The following TNIK variants were observed in gnomAD, a reference collection of about 807,000 sequenced individuals.
TNIK encodes the protein TRAF2 and NCK interacting kinase.
A neutral mutation model predicts 191.3 loss-of-function variants in TNIK; 49 were observed. That is an observed-to-expected ratio of 0.26 (90% CI 0.20 to 0.32). The LOEUF is 0.32. Ranked by LOEUF, TNIK falls within the 10% of genes least tolerant of loss-of-function variation. The pLI is 1.00. For missense variants in TNIK, 1,155 were observed against 1,702.3 expected (o/e 0.68, Z 5.66); for synonymous variants, 594 against 600.9 (o/e 0.99, Z 0.17).
intron 3 of TNIK, among the ~76,000 whole-genome samples, chr3:171,211,585 A>G (rs929426330): frequency 2.6e-5 from 4 of 152,196 alleles, no homozygotes; most frequent in South Asian, 2.1e-4. Flanking sequence ...TCAAGTAGCT[A>G]TTACTGATTC....
At chr3:171,123,858 C>A (rs1337304734) in intron 17 of TNIK, among the ~76,000 whole-genome samples, 156 bp from the exon 18 acceptor site, 1 of 152,150 alleles carries the variant, frequency 6.6e-6, no homozygotes, top group Admixed American at 6.5e-5. Context: ...AAATATTAAA[C>A]TCCCTAAACA....
At chr3:171,100,320 T>G (rs570270476) in intron 22 of TNIK, among the ~76,000 whole-genome samples, 109 of 152,316 alleles carry the variant, frequency 7.2e-4, no homozygotes, top group Middle Eastern at 3.4e-3. Context: ...TGTCAGCAAC[T>G]GGGTCATCAA....
chr3:171,282,966 A>G (rs1198368672), intron 2 of TNIK, among the ~76,000 whole-genome samples: 1 of 152,028 alleles, frequency 6.6e-6, no homozygotes, highest in Non-Finnish European at 1.5e-5. Flanking sequence ...GGCCCGCCTT[A>G]TATTCTCTGC....
intron 1 of TNIK, among the ~76,000 whole-genome samples, chr3:171,415,842 G>A (rs1008134359): frequency 3.3e-5 from 5 of 151,376 alleles, no homozygotes; most frequent in Admixed American, 6.6e-5. Context: ...TTAGCCAGGC[G>A]TGGTGGCTCA....
intron 7 of TNIK, among the ~76,000 whole-genome samples, chr3:171,177,630 T>A (rs2108788655): frequency 6.6e-6 from 1 of 152,364 alleles, no homozygotes; most frequent in South Asian, 2.1e-4. Context: ...AATTAATTCG[T>A]TACTGAAACT....
chr3:171,408,792 C>T (rs867635741), intron 1 of TNIK, among the ~76,000 whole-genome samples: 15 of 152,122 alleles, frequency 9.9e-5, no homozygotes, highest in Admixed American at 7.2e-4. Flanking sequence ...GCAAGCTAAG[C>T]GTCTCTAAAT....
intron 2 of TNIK, among the ~76,000 whole-genome samples, chr3:171,368,316 G>A (rs781317313): frequency 3.4e-4 from 51 of 152,174 alleles, no homozygotes; most frequent in Admixed American, 9.8e-4. Flanking sequence ...CAAATCAGAA[G>A]TAATTTTGTA....
At chr3:171,213,660 G>C (rs1166659697) in intron 3 of TNIK, among the ~76,000 whole-genome samples, 2 of 152,240 alleles carry the variant, frequency 1.3e-5, no homozygotes, top group East Asian at 3.9e-4. Context: ...AATAAAGTCA[G>C]TACATTCTCC....
At chr3:171,344,427 G>A (rs1711824391) in intron 2 of TNIK, among the ~76,000 whole-genome samples, 2 of 152,098 alleles carry the variant, frequency 1.3e-5, no homozygotes, top group African/African-American at 4.8e-5. Context: ...AGTAGCAGTG[G>A]GGTGTGTGTG....
chr3:171,263,727 T>C (rs1401574927), intron 2 of TNIK, among the ~76,000 whole-genome samples: 1 of 151,818 alleles, frequency 6.6e-6, no homozygotes, highest in Non-Finnish European at 1.5e-5. Flanking sequence ...GAGCCATTAT[T>C]AGAAGAAAGC....
At chr3:171,214,192 T>C (rs1741191802) in intron 3 of TNIK, among the ~76,000 whole-genome samples, 1 of 151,630 alleles carries the variant, frequency 6.6e-6, no homozygotes, top group African/African-American at 2.4e-5. Flanking sequence ...GGCAGTAAGT[T>C]ATTCAGTGAA....
Position 171,440,847 on chromosome 3 carries a change from G to A in TNIK, c.57+19160C>T, listed in dbSNP as rs945454286. Among the ~76,000 whole-genome samples the A allele has an allele frequency of 5.3e-5, 8 of 152,208 alleles. No homozygotes were observed. The South Asian group carries it at 1.0e-3, about 20-fold the overall frequency. On this transcript the variant is annotated intron_variant, in intron 1 of 32. Coordinates refer to ENST00000436636, the MANE Select transcript of TNIK (RefSeq NM_015028.4). ...AACAGCATAGAGGTGAGAAAAGCAT[G>A]GAACATTAAGAAAACAGAAAGAGTT...
At chr3:171,144,878 G>A (rs951411293) in intron 12 of TNIK, among the ~76,000 whole-genome samples, 16 of 152,246 alleles carry the variant, frequency 1.1e-4, no homozygotes, top group African/African-American at 3.9e-4. Flanking sequence ...TCTGTGCCTG[G>A]AATCTTTCAC....
intron 1 of TNIK, among the ~76,000 whole-genome samples, chr3:171,429,965 T>G (rs919558833): frequency 3.3e-5 from 5 of 152,138 alleles, no homozygotes; most frequent in African/African-American, 4.8e-5. Flanking sequence ...AGCAGCAGCA[T>G]CATTTTGTTA....
At chr3:171,316,504 A>C (rs1309108565) in intron 2 of TNIK, among the ~76,000 whole-genome samples, 1 of 152,198 alleles carries the variant, frequency 6.6e-6, no homozygotes, top group Non-Finnish European at 1.5e-5. Context: ...CAGTATGAGC[A>C]AAGGCCTGCA....
chr3:171,339,427 T>C (rs1757295946), intron 2 of TNIK, among the ~76,000 whole-genome samples: 1 of 152,210 alleles, frequency 6.6e-6, no homozygotes, highest in Non-Finnish European at 1.5e-5. Context: ...ATATACTCAA[T>C]ATCCAGTTCC....
intron 22 of TNIK, among the ~76,000 whole-genome samples, chr3:171,097,369 A>G (rs1722867414): frequency 6.6e-6 from 1 of 152,232 alleles, no homozygotes; most frequent in African/African-American, 2.4e-5. Context: ...ACAGGTTAAC[A>G]AATTTGATAC....
chr3:171,419,594 C>A (rs1723504382), intron 1 of TNIK, among the ~76,000 whole-genome samples: 1 of 152,184 alleles, frequency 6.6e-6, no homozygotes, highest in South Asian at 2.1e-4. Context: ...TGAAGGAAGT[C>A]CTGGGCTCAG....
intron 1 of TNIK, among the ~76,000 whole-genome samples, chr3:171,415,845 G>A (rs1314984011): frequency 6.6e-6 from 1 of 151,502 alleles, no homozygotes; most frequent in African/African-American, 2.4e-5. Context: ...GCCAGGCGTG[G>A]TGGCTCATGC....
Sources: gnomAD v4.1 joint callset for allele counts (sites outside exome capture counted in the v4.1 genomes callset) on GRCh38, gnomAD v4.1.1 for gene constraint, MANE v1.5 for transcripts, NCBI Gene and HGNC (gene_info 2026-07-23, HGNC 2026-07-21) for gene names.